The following NUDCD1 variants were observed in gnomAD, a reference collection of about 807,000 sequenced individuals.
The protein encoded by NUDCD1 is NudC domain containing 1, also known as nudC domain-containing protein 1.
In NUDCD1, 60 loss-of-function variants were observed where a neutral mutation model predicts 67.8. The observed-to-expected ratio is 0.88, with a 90% CI of 0.72 to 1.10. The LOEUF (loss-of-function observed/expected upper bound fraction) is 1.10, where lower values mean the gene tolerates loss of function less well. NUDCD1 is among the 50% of genes least tolerant of loss of function. NUDCD1 has a pLI of 0.00. For synonymous variants in NUDCD1, 244 were observed against 230.8 expected (o/e 1.06, Z -0.52); for missense variants, 643 against 695.0 (o/e 0.93, Z 0.84).
At chr8:109,255,782 A>G (rs1813721939) in intron 8 of NUDCD1, among the ~76,000 whole-genome samples, 1 of 152,156 alleles carries the variant, frequency 6.6e-6, no homozygotes, top group African/African-American at 2.4e-5. Context: ...AGAGAATAAG[A>G]GGAATAAAGT....
intron 2 of NUDCD1, among the ~76,000 whole-genome samples, chr8:109,311,837 A>G (rs1380281634): frequency 6.6e-6 from 1 of 152,022 alleles, no homozygotes; most frequent in Non-Finnish European, 1.5e-5. Context: ...GGTATAGTGT[A>G]TACTGCTCGG....
intron 1 of NUDCD1, among the ~76,000 whole-genome samples, chr8:109,325,299 TAAC>T (rs1426761576): frequency 1.3e-5 from 2 of 152,070 alleles, no homozygotes; most frequent in African/African-American, 4.8e-5. Context: ...TGACTACAGT[TAAC>T]AACAATATAT....
At chr8:109,304,757 C>A (rs1271297197) in intron 2 of NUDCD1, among the ~76,000 whole-genome samples, 1 of 152,140 alleles carries the variant, frequency 6.6e-6, no homozygotes, top group East Asian at 1.9e-4. Flanking sequence ...GGCATCAGAT[C>A]CCATCGCTCA....
intron 8 of NUDCD1, among the ~76,000 whole-genome samples, chr8:109,270,581 A>G (rs917617561): frequency 2.0e-5 from 3 of 152,218 alleles, no homozygotes; most frequent in Non-Finnish European, 1.5e-5. Context: ...CATCATAAAT[A>G]ATGTACTTTA....
At chr8:109,330,386 C>G (rs1438254447) in intron 1 of NUDCD1, among the ~76,000 whole-genome samples, 2 of 152,108 alleles carry the variant, frequency 1.3e-5, no homozygotes, top group East Asian at 3.8e-4. Context: ...AGGTGCCCAT[C>G]AAAGGTTTGT....
intron 2 of NUDCD1, among the ~76,000 whole-genome samples, chr8:109,307,157 C>T (rs1009722257): frequency 1.3e-5 from 2 of 152,172 alleles, no homozygotes; most frequent in Admixed American, 1.3e-4. Flanking sequence ...TGATGACATT[C>T]CACCAATGTG....
At chr8:109,264,968 C>T (rs1040989188) in intron 8 of NUDCD1, among the ~76,000 whole-genome samples, 2 of 150,606 alleles carry the variant, frequency 1.3e-5, no homozygotes, top group Admixed American at 6.6e-5. Flanking sequence ...TAATATGATA[C>T]GTTTTGATAA....
intron 2 of NUDCD1, chr8:109,315,206 T>C (rs1296342929): frequency 6.6e-6 from 1 of 151,998 alleles, no homozygotes; most frequent in African/African-American, 2.4e-5. Flanking sequence ...TCATCAGGCA[T>C]TGCAGCTCAA....
intron 8 of NUDCD1, among the ~76,000 whole-genome samples, chr8:109,246,522 C>T (rs1813501050): frequency 6.6e-6 from 1 of 152,130 alleles, no homozygotes; most frequent in Non-Finnish European, 1.5e-5. Flanking sequence ...ATAATGTCAA[C>T]ATTTGTTATT....
intron 9 of NUDCD1, among the ~76,000 whole-genome samples, chr8:109,244,745 C>T (rs1001367028): frequency 2.0e-5 from 3 of 152,100 alleles, no homozygotes; most frequent in Admixed American, 1.3e-4. Context: ...TGATTGCATA[C>T]GTCTATAATT....
chr8:109,273,747 A>T (rs1391165526), intron 7 of NUDCD1, among the ~76,000 whole-genome samples: 2 of 152,134 alleles, frequency 1.3e-5, no homozygotes, highest in African/African-American at 4.8e-5. Flanking sequence ...ACATTTTAAG[A>T]CATAACACTA....
chr8:109,271,424 A>C (rs1814154605), intron 7 of NUDCD1, among the ~76,000 whole-genome samples: 3 of 152,232 alleles, frequency 2.0e-5, no homozygotes, highest in African/African-American at 7.2e-5. Context: ...ATATAAAAAC[A>C]CAAATCTGAA....
At chr8:109,319,262 C>T (rs796366952) in intron 2 of NUDCD1, among the ~76,000 whole-genome samples, 1 of 152,270 alleles carries the variant, frequency 6.6e-6, no homozygotes, top group African/African-American at 2.4e-5. Flanking sequence ...CGTGAGCCAC[C>T]GCGCTCGGCC....
chr8:109,242,225 C>G lies in NUDCD1; in HGVS notation c.*784G>C, dbSNP rs1005415847. ...GATAGATGTACAGGATCGATAAGCT[C>G]TTGCATATTGGAGCTTGCTCTCTTA... On this transcript the variant is annotated 3_prime_UTR_variant, in exon 10 of 10. Coordinates refer to ENST00000239690, the MANE Select transcript of NUDCD1 (RefSeq NM_032869.4). 2 of 397,082 alleles carry G rather than the reference C, an allele frequency of 5.0e-6. No homozygotes were observed. The highest frequency in any genetic ancestry group is 4.1e-5 in the African/African-American group (2 of 48,540). The allele number at this position is 397,082 out of a possible 1,614,324, so 24.6% of individuals were successfully genotyped here.
chr8:109,314,567 C>A (rs1417708887), intron 2 of NUDCD1, among the ~76,000 whole-genome samples: 2 of 152,012 alleles, frequency 1.3e-5, no homozygotes, highest in South Asian at 2.1e-4. Flanking sequence ...GAGAAGAAAC[C>A]ACTTCTGAAG....
At chr8:109,265,358 G>A (rs115355863) in intron 8 of NUDCD1, among the ~76,000 whole-genome samples, 3,680 of 151,962 alleles carry the variant, frequency 0.024, 137 homozygotes, top group African/African-American at 0.084. Flanking sequence ...GGGGTCCTGA[G>A]ACCAAAAACC....
intron 2 of NUDCD1, among the ~76,000 whole-genome samples, chr8:109,302,145 C>T (rs1178824231): frequency 6.6e-6 from 1 of 152,180 alleles, no homozygotes; most frequent in East Asian, 1.9e-4. Context: ...CAACTCACAC[C>T]TGACCTGAAA....
chr8:109,245,228 G>T, intron 9 of NUDCD1, 94 bp downstream of exon 9: 1 of 1,219,728 alleles, frequency 8.2e-7, no homozygotes. Flanking sequence ...AATCAGGACA[G>T]CTCAAATTAA....
At chr8:109,257,798 G>A (rs985365733) in intron 8 of NUDCD1, among the ~76,000 whole-genome samples, 1 of 152,186 alleles carries the variant, frequency 6.6e-6, no homozygotes, top group Admixed American at 6.5e-5. Flanking sequence ...AAACTCTGTT[G>A]TTGTAGTTTG....
Sources: gnomAD v4.1 joint callset for allele counts (sites outside exome capture counted in the v4.1 genomes callset) on GRCh38, gnomAD v4.1.1 for gene constraint, MANE v1.5 for transcripts, NCBI Gene and HGNC (gene_info 2026-07-23, HGNC 2026-07-21) for gene names.